The following ZC3H7A variants were observed in gnomAD, a reference collection of about 807,000 sequenced individuals.
ZC3H7A encodes the protein zinc finger CCCH-type containing 7A.
ZC3H7A carries 44 observed loss-of-function variants against 125.5 expected under a neutral mutation model. The observed-to-expected ratio is 0.35, with a 90% CI of 0.28 to 0.45. The LOEUF is 0.45. ZC3H7A is among the 20% of genes least tolerant of loss of function. The pLI, the probability that ZC3H7A is intolerant of heterozygous loss-of-function variation, is 1.00. For synonymous variants in ZC3H7A, 399 were observed against 391.2 expected (o/e 1.02, Z -0.23); for missense variants, 977 against 1,170.7 (o/e 0.83, Z 2.41).
chr16:11,752,770 G>T lies in ZC3H7A; in HGVS notation c.2625C>A (p.His875Gln). ...TCTCTTTGTGCTTCTCGGAGGAGAT[G>T]TGGCCCTGCCACTGCTTCTCACTGT... ...NCNSEKQWQGHISSEKHKEKV... is the reference protein window; with the variant it reads ...NCNSEKQWQGQISSEKHKEKV... The change falls in exon 22 of 23, where the codon CAC becomes CAA. Residue 875 changes from histidine (H) to glutamine (Q), a missense_variant. His to Gln is a conservative substitution (Grantham distance 24, BLOSUM62 0). Around this residue, in one of 3 missense-constraint regions of ZC3H7A, gnomAD observed 436 missense variants for 603.2 expected, o/e 0.72. Coordinates refer to ENST00000355758, the MANE Select transcript of ZC3H7A (RefSeq NM_014153.4). 6.2e-7 allele frequency: 1 copy of T among 1,614,170 alleles called. No homozygotes were observed. Among genetic ancestry groups the T allele is most frequent in the Non-Finnish European group, 8.5e-7 (1 of 1,180,036 alleles).
At chr16:11,756,731 C>T (rs2052655756) in intron 20 of ZC3H7A, among the ~76,000 whole-genome samples, 1 of 152,198 alleles carries the variant, frequency 6.6e-6, no homozygotes, top group South Asian at 2.1e-4. Context: ...AGTGTCAGAG[C>T]TAGAACCACA....
chr16:11,793,051 C>T (rs1326016152), intron 1 of ZC3H7A, among the ~76,000 whole-genome samples: 1 of 152,080 alleles, frequency 6.6e-6, no homozygotes, highest in Non-Finnish European at 1.5e-5. Flanking sequence ...GGACATCACT[C>T]CAGGGAAAAT....
chr16:11,767,287 GGTT>G, intron 13 of ZC3H7A, 127 bp downstream of exon 13: 1 of 773,640 alleles, frequency 1.3e-6, no homozygotes, highest in South Asian at 2.3e-5. Flanking sequence ...ACACCATCGA[GGTT>G]TGTGTAAGTA....
In ZC3H7A at chr16:11,765,151, T is replaced by C. The variant is rs1321049603; in HGVS notation, c.1722A>G (p.Lys574=). The change falls in exon 15 of 23, where the codon AAA becomes AAG. Residue 574 remains lysine, a splice_region_variant and synonymous_variant. Transcript: ENST00000355758. The surrounding 1 kb of genome is among the most constrained non-coding windows in gnomAD (Gnocchi z 4.8). ...TCATTCTAGGCTTATGATCAAAACA[T>C]TTCTGGAATAGAGAGAGAAAGATTA... The part of the protein sequence containing the change: ...HLGEFIFLCE[K]CFDHKPRMIS... 3 of 1,518,392 alleles carry C rather than the reference T, an allele frequency of 2.0e-6. No homozygotes were observed. The highest frequency in any genetic ancestry group is 2.7e-6 in the Non-Finnish European group (3 of 1,122,444). 94.1% of individuals were successfully genotyped at this position (1,518,392 alleles called of 1,614,324 possible).
chr16:11,771,952 T>C (rs1567383335), intron 9 of ZC3H7A, among the ~76,000 whole-genome samples: 1 of 151,868 alleles, frequency 6.6e-6, no homozygotes. Flanking sequence ...CCTAGCACTG[T>C]GGGAGGATGA....
At chr16:11,782,436 G>A in intron 1 of ZC3H7A, 48 bp from the exon 2 acceptor site, 2 of 1,507,732 alleles carry the variant, frequency 1.3e-6, no homozygotes, top group Non-Finnish European at 1.8e-6. Context: ...AGGGTCCCTG[G>A]ACTCCAATGA....
intron 10 of ZC3H7A, among the ~76,000 whole-genome samples, chr16:11,770,378 TC>T (rs954499283): frequency 2.0e-5 from 3 of 152,144 alleles, no homozygotes; most frequent in African/African-American, 7.2e-5. Context: ...AATAGACACA[TC>T]TGATTGCTAG....
Position 11,779,196 on chromosome 16 carries a change from A to G in ZC3H7A, c.276T>C (p.Tyr92=), listed in dbSNP as rs759408819. The G allele has an allele frequency of 3.7e-6, 6 of 1,606,474 alleles. No individual in the cohort carries two copies. The South Asian group carries it at 5.5e-5, about 15-fold the overall frequency. The change falls in exon 4 of 23, where the codon TAT becomes TAC. Residue 92 remains tyrosine (Y), a synonymous_variant. Transcript: ENST00000355758. ...TAGAATAGCAGGCAATACGATTTAT[A>G]TATAGTTTTTCAATTATTTCTTTGG... is the stretch of plus-strand genomic sequence containing the variant. ...LIPKEIIEKL[Y]INRIACYSNM...
intron 21 of ZC3H7A, among the ~76,000 whole-genome samples, chr16:11,754,699 C>G (rs1366316663): frequency 1.3e-5 from 2 of 151,554 alleles, no homozygotes; most frequent in African/African-American, 4.8e-5. Context: ...TGAGACCAGC[C>G]TGACCAACAT....
chr16:11,796,870 G>C (rs2053447367), intron 1 of ZC3H7A: 1 of 151,302 alleles, frequency 6.6e-6, no homozygotes, highest in African/African-American at 2.4e-5. Context: ...ATGGCAGGCA[G>C]AAGTGGGTCA....
intron 11 of ZC3H7A, 65 bp downstream of exon 11, chr16:11,768,966 T>C (rs1477341611): frequency 2.1e-5 from 31 of 1,471,676 alleles, no homozygotes; most frequent in Middle Eastern, 1.9e-4. Flanking sequence ...TTCAAATAAC[T>C]CGGTTACTTA....
intron 9 of ZC3H7A, among the ~76,000 whole-genome samples, chr16:11,772,377 A>T (rs573214970): frequency 3.3e-5 from 5 of 151,768 alleles, no homozygotes; most frequent in African/African-American, 1.2e-4. Context: ...GGCCCCATCA[A>T]AGCTGCAACT....
chr16:11,765,398 T>C lies in ZC3H7A; in HGVS notation c.1719+91A>G. 3.5e-6 allele frequency: 3 copies of C among 864,992 alleles called. No homozygotes were observed. The highest frequency in any genetic ancestry group is 5.1e-6 in the Non-Finnish European group (3 of 584,744). The allele number at this position is 864,992 out of a possible 1,614,324, so 53.6% of individuals were successfully genotyped here. A position where few individuals can be genotyped will look rare whatever the true frequency, so the allele number is the denominator to read the frequency against. ...ATAAATAAATGAATATTTATTCATT[T>C]ACCAAGTGAATGTTTTATCACATGG... On this transcript the variant is annotated intron_variant, in intron 14 of 22. Coordinates refer to ENST00000355758, the MANE Select transcript of ZC3H7A (RefSeq NM_014153.4). This position sits in a 1 kb window ranked among gnomAD's most constrained non-coding sequence, Gnocchi z 4.8.
intron 21 of ZC3H7A, among the ~76,000 whole-genome samples, chr16:11,755,163 C>T (rs2052621027): frequency 1.3e-5 from 2 of 149,354 alleles, no homozygotes; most frequent in South Asian, 4.2e-4. Context: ...TGAGCCAAGA[C>T]TACCGCATTG....
At chr16:11,767,944 A>G (rs140878398) in intron 12 of ZC3H7A, among the ~76,000 whole-genome samples, 2 of 152,368 alleles carry the variant, frequency 1.3e-5, no homozygotes, top group African/African-American at 4.8e-5. Context: ...ATTTTCATAT[A>G]CATTGTATTG....
chr16:11,788,346 T>G (rs1391137049), intron 1 of ZC3H7A, among the ~76,000 whole-genome samples: 11 of 152,174 alleles, frequency 7.2e-5, no homozygotes. Context: ...CTCCATCAGA[T>G]GTCAAATGCC....
In ZC3H7A at chr16:11,758,524, C is replaced by T. The variant is rs2052690446; in HGVS notation, c.2335G>A (p.Ala779Thr). 6.2e-7 allele frequency: 1 copy of T among 1,612,982 alleles called. No homozygotes were observed. The highest frequency in any genetic ancestry group is 8.5e-7 in the Non-Finnish European group (1 of 1,179,264). Reference protein sequence around the residue: ...PLQFDLCNHIASGKKCQYVGN... With the variant: ...PLQFDLCNHITSGKKCQYVGN... ...ACATATTGACATTTTTTCCCAGAAGCAATATGGTTGCACAGCTGTATAAAA... is the reference window on the plus strand; with the variant it reads ...ACATATTGACATTTTTTCCCAGAAGTAATATGGTTGCACAGCTGTATAAAA... The change falls in exon 20 of 23, where the codon GCT becomes ACT. Residue 779 changes from alanine to threonine, a missense_variant. By Grantham distance (58) the Ala-to-Thr change is moderately conservative. Coordinates refer to ENST00000355758, the MANE Select transcript of ZC3H7A (RefSeq NM_014153.4).
At chr16:11,786,604 G>C (rs2053260595) in intron 1 of ZC3H7A, among the ~76,000 whole-genome samples, 1 of 152,164 alleles carries the variant, frequency 6.6e-6, no homozygotes. Context: ...ACGGAAAATG[G>C]ATACAGACGT....
intron 1 of ZC3H7A, among the ~76,000 whole-genome samples, chr16:11,785,683 G>C (rs895668420): frequency 8.6e-5 from 13 of 151,986 alleles, no homozygotes; most frequent in African/African-American, 2.9e-4. Context: ...GCAGTGGCAC[G>C]ATCTCTGCTC....
Sources: allele counts gnomAD v4.1 joint callset (sites outside exome capture counted in the v4.1 genomes callset), GRCh38; gene constraint gnomAD v4.1.1; regional missense constraint gnomAD v4.1.1; non-coding constraint Gnocchi (gnomAD v3.1); transcripts MANE v1.5; gene names NCBI Gene and HGNC (gene_info 2026-07-23, HGNC 2026-07-21).